MCPH1: variants seen among roughly 807,000 people sequenced by gnomAD.
MCPH1 encodes the protein microcephalin.
A neutral mutation model predicts 84.5 loss-of-function variants in MCPH1; 104 were observed. The ratio of observed to expected loss-of-function variants is 1.23; its 90% CI spans 1.05 to 1.45. The LOEUF is 1.45. Among genes scored for constraint, MCPH1 ranks in the 40% most tolerant of loss-of-function variants. The pLI, the probability that MCPH1 is intolerant of heterozygous loss-of-function variation, is 0.00. For missense variants in MCPH1, 1,498 were observed against 1,005.7 expected (o/e 1.49, Z -6.62); for synonymous variants, 514 against 366.8 (o/e 1.40, Z -4.58).
At chr8:6,581,702 A>T (rs1318243910) in intron 12 of MCPH1, among the ~76,000 whole-genome samples, 2 of 152,232 alleles carry the variant, frequency 1.3e-5, no homozygotes, top group African/African-American at 4.8e-5. Context: ...ACTTTTCTCA[A>T]CTGCTATCTT....
intron 3 of MCPH1, among the ~76,000 whole-genome samples, chr8:6,417,879 C>T (rs1367289015): frequency 1.3e-5 from 2 of 152,138 alleles, no homozygotes; most frequent in East Asian, 3.9e-4. Flanking sequence ...GTATTTTGCA[C>T]GTTGTAAATA....
chr8:6,493,779 C>T (rs1810928024), intron 11 of MCPH1, among the ~76,000 whole-genome samples: 1 of 152,064 alleles, frequency 6.6e-6, no homozygotes. Flanking sequence ...GAGACAGCGT[C>T]CCAATGATGT....
chr8:6,502,203 G>A (rs1405460370), intron 12 of MCPH1: 2 of 152,066 alleles, frequency 1.3e-5, no homozygotes, highest in Non-Finnish European at 2.9e-5. Context: ...ATCATTAAAA[G>A]TAAGAAGTTT....
chr8:6,495,759 A>G (rs959142964), intron 11 of MCPH1, among the ~76,000 whole-genome samples: 1 of 152,240 alleles, frequency 6.6e-6, no homozygotes, highest in Non-Finnish European at 1.5e-5. Context: ...AATCACTTTC[A>G]GTGATTAAAG....
intron 9 of MCPH1, among the ~76,000 whole-genome samples, chr8:6,465,889 G>C (rs1392833690): frequency 1.3e-5 from 2 of 151,734 alleles, no homozygotes; most frequent in Admixed American, 6.6e-5. Flanking sequence ...CTGTTCTCTT[G>C]AGGAATAATT....
At chr8:6,568,269 CCCATCGCTAGCTGAATGTGGAAT>C in intron 12 of MCPH1, among the ~76,000 whole-genome samples, 1 of 138,448 alleles carries the variant, frequency 7.2e-6, no homozygotes, top group East Asian at 1.9e-4. Context: ...GGAATGTGGA[CCCATCGCTAGCTGAATGTGGAAT>C]GTGGACCCAT....
intron 9 of MCPH1, 115 bp downstream of exon 9, chr8:6,455,367 T>C (rs1330591570): frequency 6.6e-6 from 5 of 760,780 alleles, no homozygotes; most frequent in Admixed American, 2.2e-5. Context: ...TTCTAAAAAA[T>C]TGATTATGGG....
rs377321935 is a variant in MCPH1 at position 6,444,736 on chromosome 8, A to C, written c.1014A>C (p.Ser338=). The C allele has an allele frequency of 2.5e-6, 4 of 1,614,016 alleles. No individual in the cohort carries two copies. In the African/African-American group the frequency reaches 5.3e-5, roughly 22 times the overall value. ...EKYRLSPTLS[S]TKGHLLIHSR... ...ATCGTTTGTCTCCTACCTTATCTTC[A>C]ACAAAAGGCCACCTTTTGATACATT... The change falls in exon 8 of 14, where the codon TCA becomes TCC. Residue 338 remains serine, a synonymous_variant. Coordinates refer to ENST00000344683, the MANE Select transcript of MCPH1 (RefSeq NM_024596.5).
intron 12 of MCPH1, among the ~76,000 whole-genome samples, chr8:6,563,743 G>T (rs1051369052): frequency 6.6e-6 from 1 of 152,128 alleles, no homozygotes; most frequent in African/African-American, 2.4e-5. Context: ...ATTGATTTTA[G>T]TTGATTCTTG....
At chr8:6,445,608 A>C (rs766919336) in intron 8 of MCPH1, 61 bp downstream of exon 8, 1 of 1,514,752 alleles carries the variant, frequency 6.6e-7, no homozygotes. Context: ...GTGCATCCAT[A>C]TTTTAAATTT....
rs1798269820 is a variant in MCPH1 at position 6,647,534 on chromosome 8, GA to G, written c.*4486del. On this transcript the variant is annotated 3_prime_UTR_variant, in exon 14 of 14. Coordinates refer to ENST00000344683, the MANE Select transcript of MCPH1 (RefSeq NM_024596.5). ...AAATTAGCCCATCAACTGAAAAGTAGATAAACAAAATGTATATCCACACCAT... is the reference window on the plus strand; with the variant it reads ...AAATTAGCCCATCAACTGAAAAGTAGTAAACAAAATGTATATCCACACCAT... 2 of 152,144 alleles carry G rather than the reference GA, an allele frequency of 1.3e-5. No homozygotes were observed. Among genetic ancestry groups the G allele is most frequent in the Non-Finnish European group, 2.9e-5 (2 of 68,028 alleles). The allele number at this position is 152,144 out of a possible 1,614,324, so 9.4% of individuals were successfully genotyped here.
In MCPH1 at chr8:6,477,501, C is replaced by G. The variant is rs11137035; in HGVS notation, c.1936-93C>G. 9.2e-4 allele frequency: 1,097 copies of G among 1,189,014 alleles called. 13 individuals are homozygous for G. The East Asian group carries it at 0.02, about 22-fold the overall frequency. 73.7% of individuals were successfully genotyped at this position (1,189,014 alleles called of 1,614,324 possible). A position where few individuals can be genotyped will look rare whatever the true frequency, so the allele number is the denominator to read the frequency against. On this transcript the variant is annotated intron_variant, in intron 9 of 13. Coordinates refer to ENST00000344683, the MANE Select transcript of MCPH1 (RefSeq NM_024596.5). ...AAATGTTTATTTTTAAGTGATGTAA[C>G]TTTTCAAAAAACTTATTACAGTTTA... is the stretch of plus-strand genomic sequence containing the variant.
intron 11 of MCPH1, among the ~76,000 whole-genome samples, chr8:6,494,791 G>C (rs932228130): frequency 6.6e-6 from 1 of 152,136 alleles, no homozygotes; most frequent in East Asian, 1.9e-4. Context: ...ATGTTTTTCT[G>C]GGGTGATGAA....
At chr8:6,642,555 G>A (rs138461036) in intron 13 of MCPH1, 48 of 250,596 alleles carry the variant, frequency 1.9e-4, no homozygotes, top group African/African-American at 8.8e-4. Flanking sequence ...AGGATAGCAC[G>A]GCCTACCTCT....
chr8:6,570,627 T>A (rs1826575391), intron 12 of MCPH1, among the ~76,000 whole-genome samples: 1 of 152,096 alleles, frequency 6.6e-6, no homozygotes, highest in African/African-American at 2.4e-5. Context: ...AGAAACCCTG[T>A]TAGTGGGAAG....
At chr8:6,521,183 G>A (rs376528973) in intron 12 of MCPH1, 1 of 1,611,186 alleles carries the variant, frequency 6.2e-7, no homozygotes, top group Non-Finnish European at 8.5e-7. Flanking sequence ...CTTACAGTTT[G>A]ATGTGGACAT....
intron 3 of MCPH1, among the ~76,000 whole-genome samples, chr8:6,423,366 C>G (rs958599773): frequency 1.4e-5 from 2 of 145,602 alleles, no homozygotes; most frequent in East Asian, 4.1e-4. Flanking sequence ...GGGGTTTCAC[C>G]GTGTTAGCCA....
intron 12 of MCPH1, among the ~76,000 whole-genome samples, chr8:6,600,807 C>T (rs568913922): frequency 1.3e-5 from 2 of 152,166 alleles, no homozygotes; most frequent in Non-Finnish European, 2.9e-5. Flanking sequence ...AGGTTGGAGG[C>T]CTTCAGTTCC....
At chr8:6,642,263 CT>C (rs949004158) in intron 13 of MCPH1, among the ~76,000 whole-genome samples, 97 of 151,274 alleles carry the variant, frequency 6.4e-4, no homozygotes, top group African/African-American at 2.3e-3. Context: ...GATTTCATTC[CT>C]TTTTTTTTCT....
Sources: allele counts gnomAD v4.1 joint callset (sites outside exome capture counted in the v4.1 genomes callset), GRCh38; gene constraint gnomAD v4.1.1; transcripts MANE v1.5; gene names NCBI Gene and HGNC (gene_info 2026-07-23, HGNC 2026-07-21).